The following OPCML variants were observed in gnomAD, a reference collection of about 807,000 sequenced individuals.
OPCML encodes the protein opioid-binding protein/cell adhesion molecule.
In OPCML, 13 loss-of-function variants were observed where a neutral mutation model predicts 37.8. The ratio of observed to expected loss-of-function variants is 0.34; its 90% CI spans 0.22 to 0.55. The LOEUF (loss-of-function observed/expected upper bound fraction) is 0.55, where lower values mean the gene tolerates loss of function less well. Ranked by LOEUF, OPCML falls within the 20% of genes least tolerant of loss-of-function variation. The probability of loss-of-function intolerance (pLI) is 0.91; values close to 1 mark genes in which losing one functional copy is unlikely to be tolerated. For missense variants in OPCML, 341 were observed against 435.6 expected, an observed-to-expected ratio of 0.78 and a Z score of 1.93; for synonymous variants, 176 against 168.8, an observed-to-expected ratio of 1.04 and a Z score of -0.33.
intron 3 of OPCML, among the ~76,000 whole-genome samples, chr11:132,572,901 G>T (rs1283935666): frequency 6.6e-6 from 1 of 151,652 alleles, no homozygotes; most frequent in Non-Finnish European, 1.5e-5. Context: ...TTTTCTATTT[G>T]TTTGGGTCTT....
chr11:132,523,434 AG>A (rs1232765617), intron 4 of OPCML, among the ~76,000 whole-genome samples: 2 of 61,552 alleles, frequency 3.2e-5, no homozygotes, highest in African/African-American at 6.4e-5. Context: ...CCCTATACTC[AG>A]AGAAGGCCCT....
chr11:132,779,257 C>T (rs770584013), intron 2 of OPCML, among the ~76,000 whole-genome samples: 1 of 152,104 alleles, frequency 6.6e-6, no homozygotes, highest in Admixed American at 6.5e-5. Context: ...CATGAGTCAC[C>T]ACACCTGGCC....
At chr11:133,184,575 C>T (rs1176894447) in intron 1 of OPCML, among the ~76,000 whole-genome samples, 3 of 152,102 alleles carry the variant, frequency 2.0e-5, no homozygotes, top group Admixed American at 6.6e-5. Context: ...GCTGGCCCTC[C>T]GTTATCTACT....
chr11:133,364,078 G>C (rs962277632), intron 1 of OPCML, among the ~76,000 whole-genome samples: 20 of 152,114 alleles, frequency 1.3e-4, no homozygotes, highest in Non-Finnish European at 1.6e-4. Context: ...GTAAGTCCCA[G>C]CTCCAACGTC....
chr11:132,652,719 A>G (rs910143149), intron 3 of OPCML, among the ~76,000 whole-genome samples: 1 of 152,144 alleles, frequency 6.6e-6, no homozygotes, highest in South Asian at 2.1e-4. Flanking sequence ...TTTTAGAACA[A>G]TCTCTTAGCT....
At chr11:132,819,721 G>A (rs928233721) in intron 2 of OPCML, among the ~76,000 whole-genome samples, 2 of 152,094 alleles carry the variant, frequency 1.3e-5, no homozygotes, top group Admixed American at 6.5e-5. Context: ...GTAGGATGAG[G>A]GAGTTTTGCT....
intron 3 of OPCML, among the ~76,000 whole-genome samples, chr11:132,604,005 A>G (rs1005715997): frequency 5.3e-5 from 8 of 152,062 alleles, no homozygotes; most frequent in African/African-American, 1.9e-4. Context: ...AAGAAAGCCA[A>G]CTCCACCAGG....
intron 7 of OPCML, among the ~76,000 whole-genome samples, chr11:132,427,873 G>GT (rs1173801419): frequency 2.6e-5 from 4 of 152,154 alleles, no homozygotes; most frequent in African/African-American, 4.8e-5. Context: ...AATGTCTGCA[G>GT]TTTTTTTCTA....
intron 2 of OPCML, among the ~76,000 whole-genome samples, chr11:132,861,424 AATGTCTACATATG>A (rs1942295149): frequency 6.6e-6 from 1 of 152,238 alleles, no homozygotes; most frequent in Admixed American, 6.5e-5. Flanking sequence ...TGTATTCAAA[AATGTCTACATATG>A]TATATGCTTA....
chr11:133,165,233 C>A (rs768489240), intron 1 of OPCML, among the ~76,000 whole-genome samples: 2 of 152,146 alleles, frequency 1.3e-5, no homozygotes, highest in Non-Finnish European at 2.9e-5. Context: ...TCTCTCCAGT[C>A]GCACTGGGAC....
chr11:132,949,207 C>T (rs1255954807), intron 1 of OPCML, among the ~76,000 whole-genome samples: 2 of 151,858 alleles, frequency 1.3e-5, no homozygotes, highest in African/African-American at 4.8e-5. Flanking sequence ...AGGCGACCCA[C>T]CTGGGAAAAA....
Position 133,212,704 on chromosome 11 carries a change from T to C in OPCML, c.62-269694A>G, listed in dbSNP as rs1301807307. Reference sequence around the variant, plus strand: ...CTAGAACAGAGGCTCCATGATTATATGGCTCTGTGTCTATTATCCATTCGC... The same window carrying C: ...CTAGAACAGAGGCTCCATGATTATACGGCTCTGTGTCTATTATCCATTCGC... On this transcript the variant is annotated intron_variant, in intron 1 of 7. Coordinates refer to ENST00000524381, the MANE Select transcript of OPCML (RefSeq NM_001012393.5). This position sits in a 1 kb window ranked among gnomAD's most constrained non-coding sequence, Gnocchi z 4.9. Among the ~76,000 whole-genome samples, 1 of 152,228 alleles carries C rather than the reference T, an allele frequency of 6.6e-6. No homozygotes were observed. Among genetic ancestry groups the C allele is most frequent in the Non-Finnish European group, 1.5e-5 (1 of 68,036 alleles).
In OPCML at chr11:132,943,913, G is replaced by T. The variant is rs1367934853; in HGVS notation, c.62-903C>A. 6.6e-6 allele frequency: 1 copy of T among 151,720 alleles called. No individual in the cohort carries two copies. The highest frequency in any genetic ancestry group is 2.4e-5 in the African/African-American group (1 of 41,396). 9.4% of individuals were successfully genotyped at this position (151,720 alleles called of 1,614,324 possible). On this transcript the variant is annotated intron_variant, in intron 1 of 7. Coordinates refer to ENST00000524381, the MANE Select transcript of OPCML (RefSeq NM_001012393.5). This position sits in a 1 kb window ranked among gnomAD's most constrained non-coding sequence, Gnocchi z 4.3. ...CCTTCCTCCCGGGAGCAGCCCCGAC[G>T]CGCGCGGGCCCGGACCGCCGGGGTT...
chr11:133,148,433 A>C (rs570704013), intron 1 of OPCML, among the ~76,000 whole-genome samples: 9 of 152,326 alleles, frequency 5.9e-5, no homozygotes, highest in African/African-American at 2.2e-4. Flanking sequence ...AATGGAAATG[A>C]TGGCTCCAAC....
intron 2 of OPCML, among the ~76,000 whole-genome samples, chr11:132,712,093 G>A (rs967928111): frequency 6.6e-6 from 1 of 152,190 alleles, no homozygotes; most frequent in Non-Finnish European, 1.5e-5. Flanking sequence ...TAGGGTGGTG[G>A]CAGGAAGCCA....
At chr11:132,565,485 C>T (rs918952127) in intron 3 of OPCML, among the ~76,000 whole-genome samples, 1 of 152,156 alleles carries the variant, frequency 6.6e-6, no homozygotes, top group African/African-American at 2.4e-5. Context: ...CCAAAGTCCA[C>T]TCCCAGATTC....
chr11:132,458,261 G>A lies in OPCML; in HGVS notation c.506-20902C>T, dbSNP rs145424511. Among the ~76,000 whole-genome samples, 841 of 152,196 alleles carry A rather than the reference G, an allele frequency of 5.5e-3. 3 individuals carry two copies. Among genetic ancestry groups the A allele is most frequent in the African/African-American group, 0.019 (778 of 41,510 alleles). ...AAAAGGATACCTCAGAACCCCACTC[G>A]GACCCAACTAACATGCATAGAAGAT... On this transcript the variant is annotated intron_variant, in intron 4 of 7. Coordinates refer to ENST00000524381, the MANE Select transcript of OPCML (RefSeq NM_001012393.5).
intron 2 of OPCML, among the ~76,000 whole-genome samples, chr11:132,838,356 G>T (rs900723225): frequency 1.3e-5 from 2 of 152,102 alleles, no homozygotes; most frequent in Non-Finnish European, 2.9e-5. Flanking sequence ...TAAACTAAAG[G>T]GAGTAAGGGT....
intron 1 of OPCML, among the ~76,000 whole-genome samples, chr11:133,049,406 G>A (rs988876659): frequency 6.6e-6 from 1 of 152,118 alleles, no homozygotes; most frequent in African/African-American, 2.4e-5. Context: ...CTTGGAATTG[G>A]AAGATCTGAC....
Sources: allele counts gnomAD v4.1 joint callset (sites outside exome capture counted in the v4.1 genomes callset), GRCh38; gene constraint gnomAD v4.1.1; non-coding constraint Gnocchi (gnomAD v3.1); transcripts MANE v1.5; gene names NCBI Gene and HGNC (gene_info 2026-07-23, HGNC 2026-07-21).